PIR: variants seen among roughly 807,000 people sequenced by gnomAD.
The protein encoded by PIR is pirin (iron-binding nuclear protein).
In PIR, 22 loss-of-function variants were observed where a neutral mutation model predicts 24.2. The ratio of observed to expected loss-of-function variants is 0.91; its 90% CI spans 0.65 to 1.30. The LOEUF is 1.30. Ranked by LOEUF, PIR falls within the 50% of genes most tolerant of loss-of-function variation. PIR has a pLI of 0.00. For missense variants in PIR, 220 were observed against 220.3 expected (o/e 1.00, Z 0.01); for synonymous variants, 80 against 79.6 (o/e 1.00, Z -0.03).
intron 5 of PIR, among the ~76,000 whole-genome samples, chrX:15,442,129 G>T (rs1462146637): frequency 9.1e-6 from 1 of 109,527 alleles, no homozygotes; most frequent in Non-Finnish European, 1.9e-5. Context: ...GCAAATCTAT[G>T]GGTGTCATTT....
intron 7 of PIR, among the ~76,000 whole-genome samples, chrX:15,401,461 G>C (rs893784449): frequency 2.7e-5 from 3 of 110,730 alleles, no homozygotes; most frequent in African/African-American, 1.0e-4. Flanking sequence ...TTAAAACAGG[G>C]TCACGGTCAC....
intron 9 of PIR, 54 bp downstream of exon 9, chrX:15,390,131 G>A (rs1923907087): frequency 1.4e-6 from 1 of 731,211 alleles, no homozygotes; most frequent in Non-Finnish European, 2.1e-6. Context: ...CATGTATACT[G>A]TTTTCAAAGA....
At chrX:15,454,161 T>C (rs936134420) in intron 5 of PIR, among the ~76,000 whole-genome samples, 4 of 111,247 alleles carry the variant, frequency 3.6e-5, no homozygotes, top group Non-Finnish European at 7.5e-5. Flanking sequence ...CTGAACAATA[T>C]CTTTTGCTGC....
chrX:15,385,658 T>A (rs1005322055), intron 9 of PIR, among the ~76,000 whole-genome samples: 70 of 112,492 alleles, frequency 6.2e-4, no homozygotes, highest in African/African-American at 1.9e-3. Flanking sequence ...AAAAGTTTTC[T>A]AGGGGTTGGC....
chrX:15,388,121 A>C (rs1923833867), intron 9 of PIR, among the ~76,000 whole-genome samples: 1 of 112,392 alleles, frequency 8.9e-6, no homozygotes, highest in African/African-American at 3.2e-5. Context: ...TGAACAAGAA[A>C]ATTATTTGAT....
intron 5 of PIR, among the ~76,000 whole-genome samples, chrX:15,445,820 CTTTTTTTTTTTTTTT>C (rs1192838504): frequency 4.6e-5 from 3 of 64,921 alleles, no homozygotes; most frequent in Admixed American, 3.2e-4. Flanking sequence ...CAAGATATTT[CTTTTTTTTTTTTTTT>C]TTTTTTTTTT....
chrX:15,470,629 TTCAC>T (rs1921852827), intron 3 of PIR, among the ~76,000 whole-genome samples: 1 of 101,725 alleles, frequency 9.8e-6, no homozygotes, highest in Non-Finnish European at 2.0e-5. Flanking sequence ...GAGACAGAGT[TTCAC>T]TCTTGTTGCC....
rs955424390 is a variant in PIR at position 15,483,174 on chromosome X, T to TATATATATATATATAG, written c.97-3354_97-3353insCTATATATATATATAT. Among the ~76,000 whole-genome samples the TATATATATATATATAG allele has an allele frequency of 1.6e-3, 159 of 98,764 alleles. 2 individuals carry two copies. Among genetic ancestry groups the TATATATATATATATAG allele is most frequent in the African/African-American group, 5.6e-3 (150 of 26,643 alleles). 85.8% of individuals were successfully genotyped at this position (98,764 alleles called of 115,157 possible). ...AACATATACATTATACATATATATA[T>TATATATATATATATAG]AAATTCAACAAGCTACTGCAAGTTT... On this transcript the variant is annotated intron_variant, in intron 2 of 9. Coordinates refer to ENST00000380420, the MANE Select transcript of PIR (RefSeq NM_001018109.3).
intron 3 of PIR, among the ~76,000 whole-genome samples, chrX:15,478,798 T>C (rs1922344347): frequency 9.0e-6 from 1 of 111,293 alleles, no homozygotes; most frequent in African/African-American, 3.3e-5. Flanking sequence ...CTGCTCACAC[T>C]TCCCAACACA....
At chrX:15,454,023 C>T (rs1186364554) in intron 5 of PIR, among the ~76,000 whole-genome samples, 1 of 111,419 alleles carries the variant, frequency 9.0e-6, no homozygotes, top group East Asian at 2.8e-4. Flanking sequence ...CTCACTATCC[C>T]CTAAAGGCAT....
At chrX:15,421,519 T>C (rs902740560) in intron 6 of PIR, among the ~76,000 whole-genome samples, 2 of 110,903 alleles carry the variant, frequency 1.8e-5, no homozygotes, top group Non-Finnish European at 3.8e-5. Context: ...AACAACTATA[T>C]GCCAAGAAAT....
At chrX:15,429,094 G>C (rs780803642) in intron 5 of PIR, among the ~76,000 whole-genome samples, 1 of 111,499 alleles carries the variant, frequency 9.0e-6, no homozygotes, top group Admixed American at 9.6e-5. Flanking sequence ...CTGTATTCTT[G>C]CCCTCAACTT....
At chrX:15,399,908 TAAC>T (rs200660293) in intron 7 of PIR, among the ~76,000 whole-genome samples, 2,153 of 111,728 alleles carry the variant, frequency 0.019, 57 homozygotes, top group African/African-American at 0.066. Flanking sequence ...GTAAAAAGAT[TAAC>T]AACTTCTGTC....
At chrX:15,461,415 A>G (rs1333613613) in intron 3 of PIR, among the ~76,000 whole-genome samples, 1 of 112,931 alleles carries the variant, frequency 8.9e-6, no homozygotes, top group African/African-American at 3.2e-5. Flanking sequence ...CTAAAAATGG[A>G]AAGAAATTCT....
chrX:15,425,411 CTTTT>C (rs756160029), intron 6 of PIR, among the ~76,000 whole-genome samples: 2 of 92,111 alleles, frequency 2.2e-5, no homozygotes, highest in African/African-American at 8.5e-5. Context: ...TTCTTTCTTT[CTTTT>C]TTTTTTTTTT....
intron 3 of PIR, chrX:15,478,305 A>C (rs1922319822): frequency 1.8e-5 from 2 of 112,072 alleles, no homozygotes; most frequent in South Asian, 7.4e-4. Context: ...TAAAAATATA[A>C]TGCGATGAGG....
intron 8 of PIR, among the ~76,000 whole-genome samples, chrX:15,396,399 G>C (rs1602242099): frequency 8.9e-6 from 1 of 111,779 alleles, no homozygotes; most frequent in East Asian, 2.8e-4. Flanking sequence ...ATAACAACAG[G>C]CAGGGTCAGA....
In PIR at chrX:15,390,216, C is replaced by T; in HGVS notation, c.729G>A (p.Gly243=). The part of the protein sequence containing the change: ...PKRSHFVLIA[G]EPLREPVIQH... ...GGATAACTGGTTCTCTTAATGGCTC[C>T]CCAGCAATTAAGACAAAGTGGCTTC... is the stretch of plus-strand genomic sequence containing the variant. The change falls in exon 9 of 10, where the codon GGG becomes GGA. Residue 243 remains glycine (G), a synonymous_variant. Coordinates refer to ENST00000380420, the MANE Select transcript of PIR (RefSeq NM_001018109.3). The T allele has an allele frequency of 1.7e-6, 2 of 1,154,794 alleles. No homozygotes were observed.
intron 5 of PIR, chrX:15,429,933 T>A (rs1380710048): frequency 9.0e-6 from 1 of 111,207 alleles, no homozygotes; most frequent in Non-Finnish European, 1.9e-5. Context: ...TTCCATTACA[T>A]ACCCTGCTGA....
Sources: gnomAD v4.1 joint callset for allele counts (sites outside exome capture counted in the v4.1 genomes callset) on GRCh38, gnomAD v4.1.1 for gene constraint, MANE v1.5 for transcripts, NCBI Gene and HGNC (gene_info 2026-07-23, HGNC 2026-07-21) for gene names.